The following GRIK1 variants were observed in gnomAD, a reference collection of about 807,000 sequenced individuals.
GRIK1 encodes glutamate ionotropic receptor kainate type subunit 1, also known as glutamate receptor ionotropic, kainate 1.
GRIK1 carries 69 observed loss-of-function variants against 105.7 expected under a neutral mutation model. That is an observed-to-expected ratio of 0.65 (90% CI 0.54 to 0.80). The LOEUF is 0.80. GRIK1 is among the 30% of genes least tolerant of loss of function. GRIK1 has a pLI of 0.00. For synonymous variants in GRIK1, 438 were observed against 431.3 expected (o/e 1.02, Z -0.19); for missense variants, 1,109 against 1,167.3 (o/e 0.95, Z 0.73).
At chr21:29,678,296 T>C (rs961432634) in intron 3 of GRIK1, among the ~76,000 whole-genome samples, 1 of 152,168 alleles carries the variant, frequency 6.6e-6, no homozygotes, top group Admixed American at 6.5e-5. Flanking sequence ...GCGAATTACC[T>C]GGGGAAACAC....
chr21:29,652,650 T>G (rs1245645460), intron 5 of GRIK1, among the ~76,000 whole-genome samples: 2 of 152,262 alleles, frequency 1.3e-5, no homozygotes. Flanking sequence ...AACTTTTTTC[T>G]TATATGAAAA....
At chr21:29,639,609 G>C (rs937095418) in intron 7 of GRIK1, among the ~76,000 whole-genome samples, 19 of 152,230 alleles carry the variant, frequency 1.2e-4, no homozygotes, top group Non-Finnish European at 1.6e-4. Flanking sequence ...ACAAGATCAT[G>C]AGCCTGTATA....
At chr21:29,927,878 AC>A (rs1305140226) in intron 1 of GRIK1, among the ~76,000 whole-genome samples, 1 of 152,170 alleles carries the variant, frequency 6.6e-6, no homozygotes, top group African/African-American at 2.4e-5. Context: ...CTCAAAAAAA[AC>A]AAAAACAAAC....
intron 3 of GRIK1, among the ~76,000 whole-genome samples, chr21:29,673,678 T>A (rs1354601654): frequency 6.6e-6 from 1 of 152,218 alleles, no homozygotes; most frequent in African/African-American, 2.4e-5. Flanking sequence ...TCATGCCATA[T>A]AAACTATTTG....
intron 1 of GRIK1, among the ~76,000 whole-genome samples, chr21:29,884,383 C>G (rs190758450): frequency 1.0e-3 from 156 of 152,100 alleles, no homozygotes; most frequent in Middle Eastern, 0.01. Flanking sequence ...TACCATTTCT[C>G]TAAGTATGGT....
intron 1 of GRIK1, among the ~76,000 whole-genome samples, chr21:29,857,602 C>A (rs948430296): frequency 6.6e-6 from 1 of 151,846 alleles, no homozygotes; most frequent in Non-Finnish European, 1.5e-5. Flanking sequence ...TTCCAGAAGA[C>A]TTCTACCCAA....
chr21:29,878,789 A>G (rs1448758221), intron 1 of GRIK1, among the ~76,000 whole-genome samples: 3 of 152,116 alleles, frequency 2.0e-5, no homozygotes, highest in African/African-American at 7.2e-5. Context: ...ACCAGTCACC[A>G]AATCTGCCAG....
chr21:29,809,746 G>A (rs2066960911), intron 1 of GRIK1, among the ~76,000 whole-genome samples: 1 of 152,228 alleles, frequency 6.6e-6, no homozygotes, highest in Non-Finnish European at 1.5e-5. Context: ...TCCTCACTAA[G>A]CTTAATAATT....
rs891279015 is a variant in GRIK1 at position 29,775,056 on chromosome 21, C to T, written c.119-80993G>A. Among the ~76,000 whole-genome samples the T allele has an allele frequency of 9.9e-5, 15 of 152,072 alleles. No individual in the cohort carries two copies. In the South Asian group the frequency reaches 1.0e-3, roughly 11 times the overall value. On this transcript the variant is annotated intron_variant, in intron 1 of 17. Transcript: ENST00000327783. Reference sequence around the variant, plus strand: ...AAACTCAGCCAGGCATGGTAGCTCACGCCTGTAATCCCAGCACTCTGGGAG... The same window carrying T: ...AAACTCAGCCAGGCATGGTAGCTCATGCCTGTAATCCCAGCACTCTGGGAG...
intron 3 of GRIK1, among the ~76,000 whole-genome samples, chr21:29,688,459 A>C (rs79619086): frequency 3.2e-4 from 49 of 152,242 alleles, no homozygotes; most frequent in African/African-American, 1.1e-3. Context: ...TTTCACTTGT[A>C]ATTTTCATAA....
intron 7 of GRIK1, among the ~76,000 whole-genome samples, chr21:29,631,333 T>G (rs1316380214): frequency 6.6e-6 from 1 of 152,138 alleles, no homozygotes; most frequent in East Asian, 1.9e-4. Context: ...GATGAGGTCA[T>G]GAGGTAGAGT....
intron 7 of GRIK1, among the ~76,000 whole-genome samples, chr21:29,619,471 G>C (rs1338137906): frequency 6.6e-6 from 1 of 151,868 alleles, no homozygotes; most frequent in African/African-American, 2.4e-5. Flanking sequence ...GGACTTTGGT[G>C]ACTCAGGGGG....
At chr21:29,743,353 G>T (rs774631547) in intron 1 of GRIK1, among the ~76,000 whole-genome samples, 1 of 152,168 alleles carries the variant, frequency 6.6e-6, no homozygotes, top group Non-Finnish European at 1.5e-5. Flanking sequence ...CTTTGGAAGA[G>T]GGTGGACAGA....
intron 14 of GRIK1, among the ~76,000 whole-genome samples, chr21:29,572,393 T>A (rs2090771850): frequency 6.6e-6 from 1 of 152,160 alleles, no homozygotes; most frequent in South Asian, 2.1e-4. Context: ...TGTGGGTCCC[T>A]ATGTATCCAT....
chr21:29,598,908 G>T lies in GRIK1; in HGVS notation c.1128C>A (p.Ile376=). 6.3e-7 allele frequency: 1 copy of T among 1,589,596 alleles called. No homozygotes were observed. The highest frequency in any genetic ancestry group is 8.6e-7 in the Non-Finnish European group (1 of 1,162,112). Residue 376 remains isoleucine (I), a synonymous_variant, in exon 8 of 18, where the codon ATC becomes ATA. Coordinates refer to ENST00000327783, the MANE Select transcript of GRIK1 (RefSeq NM_001330994.2). ...TCAAGCCATTGGTTTTATTAAAGGT[G>T]ATATGCCCAGTCAAGCCATCCCACC... ...EARWDGLTGH[I]TFNKTNGLRK...
rs1310483279 is a variant in GRIK1, at chr21:29,939,424, C to G, written c.77G>C (p.Cys26Ser). Residue 26 changes from cysteine (C) to serine (S), a missense_variant, in exon 1 of 18, where the codon TGC (cysteine) becomes TCC (serine). Physicochemically the swap from Cys to Ser is moderately radical, Grantham distance 112 (BLOSUM62 -1). Coordinates refer to ENST00000327783, the MANE Select transcript of GRIK1 (RefSeq NM_001330994.2). Reference sequence around the variant, plus strand: ...CGGGGCGGTCTGAGGGAGGATATAGCAGAGGAAATAGAGGAGTGCCCAGCT... The same window carrying G: ...CGGGGCGGTCTGAGGGAGGATATAGGAGAGGAAATAGAGGAGTGCCCAGCT... ...DTSWALLYFL[C>S]YILPQTAPQV... 1.3e-6 allele frequency: 2 copies of G among 1,584,040 alleles called. No individual in the cohort carries two copies. Among genetic ancestry groups the G allele is most frequent in the Non-Finnish European group, 1.7e-6 (2 of 1,163,806 alleles).
intron 1 of GRIK1, among the ~76,000 whole-genome samples, chr21:29,866,269 T>G (rs1363168621): frequency 6.6e-6 from 1 of 152,222 alleles, no homozygotes; most frequent in East Asian, 1.9e-4. Flanking sequence ...TAATTTTTTG[T>G]AGAGACAGGG....
intron 4 of GRIK1, among the ~76,000 whole-genome samples, chr21:29,658,596 A>G (rs904780299): frequency 2.6e-5 from 4 of 152,234 alleles, no homozygotes; most frequent in South Asian, 2.1e-4. Context: ...ATCTTGTTAA[A>G]CAACTTTTGA....
intron 1 of GRIK1, among the ~76,000 whole-genome samples, chr21:29,797,889 T>C (rs2066601204): frequency 6.6e-6 from 1 of 152,174 alleles, no homozygotes; most frequent in African/African-American, 2.4e-5. Context: ...CTCCTCTGAG[T>C]AGATACTGCA....
Sources: allele counts gnomAD v4.1 joint callset (sites outside exome capture counted in the v4.1 genomes callset), GRCh38; gene constraint gnomAD v4.1.1; transcripts MANE v1.5; gene names NCBI Gene and HGNC (gene_info 2026-07-23, HGNC 2026-07-21).